Variants in BTD observed in about 807,000 individuals in gnomAD.
The protein encoded by BTD is biocytinase.
Under a neutral mutation model 17.7 loss-of-function variants are expected in BTD, and 13 were observed. The observed-to-expected ratio is 0.74, with a 90% CI of 0.48 to 1.17. BTD has a LOEUF of 1.17. Among genes scored for constraint, BTD ranks in the 50% most tolerant of loss-of-function variants. BTD has a pLI of 0.00. For missense variants in BTD, 674 were observed against 650.4 expected (o/e 1.04, Z -0.39); for synonymous variants, 240 against 245.2 (o/e 0.98, Z 0.20).
At chr3:15,719,550 A>T (rs148869326) in intron 4 of BTD, among the ~76,000 whole-genome samples, 1 of 152,270 alleles carries the variant, frequency 6.6e-6, no homozygotes, top group African/African-American at 2.4e-5. Flanking sequence ...TTATATAGTG[A>T]AAGCATATTT....
intron 4 of BTD, among the ~76,000 whole-genome samples, chr3:15,719,132 C>G (rs1053678438): frequency 6.6e-6 from 1 of 152,110 alleles, no homozygotes; most frequent in Admixed American, 6.6e-5. Context: ...TTTGTGACAT[C>G]TCATGTTTTT....
chr3:15,621,172 A>G (rs1352550952), intron 1 of BTD, among the ~76,000 whole-genome samples: 1 of 152,240 alleles, frequency 6.6e-6, no homozygotes, highest in African/African-American at 2.4e-5. Context: ...TACCTAGTGC[A>G]CTTAGACTCA....
chr3:15,704,154 T>A (rs1003308699), intron 3 of BTD, among the ~76,000 whole-genome samples: 2 of 152,180 alleles, frequency 1.3e-5, no homozygotes, highest in African/African-American at 4.8e-5. Flanking sequence ...TTTAATATGT[T>A]CATTGCGATA....
intron 1 of BTD, among the ~76,000 whole-genome samples, chr3:15,625,746 G>T (rs1237912909): frequency 6.6e-6 from 1 of 152,080 alleles, no homozygotes; most frequent in Non-Finnish European, 1.5e-5. Flanking sequence ...TAGTAGAGAT[G>T]GGGTTTCACC....
intron 3 of BTD, among the ~76,000 whole-genome samples, chr3:15,659,348 C>G (rs1367227760): frequency 6.6e-6 from 1 of 152,088 alleles, no homozygotes; most frequent in African/African-American, 2.4e-5. Context: ...GGGGGGCACT[C>G]TAGGTCAGTG....
At chr3:15,631,435 A>T (rs1292247388) in intron 1 of BTD, 1 of 1,533,524 alleles carries the variant, frequency 6.5e-7, no homozygotes, top group Non-Finnish European at 8.7e-7. Flanking sequence ...AGAAGACACT[A>T]TTGTAATAGC....
downstream of BTD, among the ~76,000 whole-genome samples, chr3:15,715,905 C>G (rs1272899709): frequency 6.6e-6 from 1 of 151,658 alleles, no homozygotes; most frequent in African/African-American, 2.4e-5. Context: ...AGCATCTTGG[C>G]AAAAGGATTC....
At chr3:15,656,403 C>G (rs1194195777), downstream of BTD, among the ~76,000 whole-genome samples, 1 of 152,146 alleles carries the variant, frequency 6.6e-6, no homozygotes, top group Non-Finnish European at 1.5e-5. Context: ...AGTAGCCAGT[C>G]AGGTCAGCTC....
Position 15,635,320 on chromosome 3 carries a change from C to G in BTD, c.-16-104C>G. ...AACTCTTTGAGCCGCAGTATCACTG[C>G]GAGTGAGTTTAATTGCTGGGATTAA... On this transcript the variant is annotated intron_variant, in intron 1 of 3. Transcript: ENST00000643237. The surrounding 1 kb of genome is among the most constrained non-coding windows in gnomAD (Gnocchi z 4.1). 1 of 1,541,698 alleles carries G rather than the reference C, an allele frequency of 6.5e-7. No homozygotes were observed. Among genetic ancestry groups the G allele is most frequent in the South Asian group, 1.1e-5 (1 of 88,944 alleles).
intron 3 of BTD, among the ~76,000 whole-genome samples, chr3:15,661,775 T>G (rs2455804): frequency 0.67 from 101,886 of 152,102 alleles, 34,416 homozygotes; most frequent in East Asian, 0.77. Context: ...TTACATTTAG[T>G]TCTGTGATCC....
At chr3:15,718,456 T>A in intron 4 of BTD, among the ~76,000 whole-genome samples, 1 of 152,210 alleles carries the variant, frequency 6.6e-6, no homozygotes, top group East Asian at 1.9e-4. Flanking sequence ...ACCACTGGTT[T>A]GAGCATTTTA....
At chr3:15,679,910 T>A (rs2067354577) in intron 3 of BTD, among the ~76,000 whole-genome samples, 1 of 145,436 alleles carries the variant, frequency 6.9e-6, no homozygotes, top group South Asian at 2.1e-4. Context: ...ATACCAATTA[T>A]TTACATAACA....
intron 1 of BTD, chr3:15,602,262 CCCACTATTCAG>C (rs1421884020): frequency 4.0e-6 from 5 of 1,252,358 alleles, no homozygotes; most frequent in Non-Finnish European, 5.0e-6. Context: ...CTGTTTCCTA[CCCACTATTCAG>C]CCATTGGGTC....
rs948646179 is a variant in BTD at position 15,645,884 on chromosome 3, G to A, written c.*396G>A. Reference sequence around the variant, plus strand: ...GTTGATCAAGTGACACCCAGGACATGTAAATATTTCATAAGCCTTAAACAT... The same window carrying A: ...GTTGATCAAGTGACACCCAGGACATATAAATATTTCATAAGCCTTAAACAT... On this transcript the variant is annotated 3_prime_UTR_variant, in exon 4 of 4. Transcript: ENST00000643237. 9 of 166,158 alleles carry A rather than the reference G, an allele frequency of 5.4e-5. No homozygotes were observed. Among genetic ancestry groups the A allele is most frequent in the Non-Finnish European group, 1.1e-4 (9 of 80,000 alleles). 10.3% of individuals were successfully genotyped at this position (166,158 alleles called of 1,614,324 possible).
intron 1 of BTD, among the ~76,000 whole-genome samples, chr3:15,624,281 T>C (rs1019993870): frequency 6.6e-5 from 10 of 152,212 alleles, no homozygotes; most frequent in Non-Finnish European, 1.2e-4. Flanking sequence ...CTGATATTAA[T>C]CTGGGGAAAT....
At chr3:15,601,518 C>A, upstream of BTD, 2 of 1,609,126 alleles carry the variant, frequency 1.2e-6, no homozygotes, top group Non-Finnish European at 1.7e-6. Context: ...CGGAATCATC[C>A]AGCAAGGCAA....
Position 15,643,042 on chromosome 3 carries a change from A to AT in BTD, c.399+985_399+986insT, listed in dbSNP as rs775221091. On this transcript the variant is annotated intron_variant, in intron 3 of 3. Transcript: ENST00000643237. Reference sequence around the variant, plus strand: ...AACTCTGCCTCAAAAAAAAAAAAAAAAATAAAATAAAATAAAGAAATGGAA... The same window carrying AT: ...AACTCTGCCTCAAAAAAAAAAAAAAATAATAAAATAAAATAAAGAAATGGAA... Among the ~76,000 whole-genome samples, 732 of 103,348 alleles carry AT rather than the reference A, an allele frequency of 7.1e-3. 17 individuals are homozygous for AT. The highest frequency in any genetic ancestry group is 0.033 in the African/African-American group (663 of 20,300). The allele number at this position is 103,348 out of a possible 152,430, so 67.8% of individuals were successfully genotyped here. A position where few individuals can be genotyped will look rare whatever the true frequency, so the allele number is the denominator to read the frequency against.
rs757159632 is a variant in BTD at position 15,644,450 on chromosome 3, C to T, written c.534C>T (p.Val178=). ...GGAGATACCAGTTCAACACAAATGT[C>T]GTGTTCAGCAATAATGGAACCCTTG... is the stretch of plus-strand genomic sequence containing the variant. ...KDGRYQFNTN[V]VFSNNGTLVD... is the part of the protein sequence containing the mutation. Residue 178 remains valine, a synonymous_variant, in exon 4 of 4, where the codon GTC becomes GTT. Transcript: ENST00000643237. 19 of 1,613,982 alleles carry T rather than the reference C, an allele frequency of 1.2e-5. No homozygotes were observed. The highest frequency in any genetic ancestry group is 4.0e-5 in the African/African-American group (3 of 74,892).
chr3:15,697,820 T>C (rs914936017), intron 3 of BTD, among the ~76,000 whole-genome samples: 13 of 152,196 alleles, frequency 8.5e-5, no homozygotes, highest in African/African-American at 3.1e-4. Flanking sequence ...CAGCTCCTCT[T>C]TGTACCTCTG....
Sources: allele counts gnomAD v4.1 joint callset (sites outside exome capture counted in the v4.1 genomes callset), GRCh38; gene constraint gnomAD v4.1.1; non-coding constraint Gnocchi (gnomAD v3.1); transcripts MANE v1.5; gene names NCBI Gene and HGNC (gene_info 2026-07-23, HGNC 2026-07-21).